Variants in SLC8A1 observed in about 807,000 individuals in gnomAD.
SLC8A1 encodes solute carrier family 8 member A1.
SLC8A1 carries 18 observed loss-of-function variants against 68.3 expected under a neutral mutation model. That is an observed-to-expected ratio of 0.26 (90% CI 0.18 to 0.39). The LOEUF (loss-of-function observed/expected upper bound fraction) is 0.39. Among genes scored for constraint, SLC8A1 ranks in the 10% least tolerant of loss-of-function variants. The pLI, the probability that SLC8A1 is intolerant of heterozygous loss-of-function variation, is 1.00. For missense variants in SLC8A1, 985 were observed against 1,156.7 expected, an observed-to-expected ratio of 0.85 and a Z score of 2.15; for synonymous variants, 475 against 415.5, an observed-to-expected ratio of 1.14 and a Z score of -1.74.
intron 1 of SLC8A1, among the ~76,000 whole-genome samples, chr2:40,438,971 G>C (rs1030453689): frequency 3.9e-5 from 6 of 152,094 alleles, no homozygotes; most frequent in Admixed American, 3.9e-4. Context: ...TCAGAAAACA[G>C]TGTTTGTTCT....
chr2:40,397,576 C>T (rs367889921), intron 2 of SLC8A1, among the ~76,000 whole-genome samples: 3 of 152,324 alleles, frequency 2.0e-5, no homozygotes, highest in East Asian at 3.9e-4. Context: ...TATCCACATA[C>T]ATTTGCCGAG....
At chr2:40,356,721 G>A (rs570335314) in intron 2 of SLC8A1, among the ~76,000 whole-genome samples, 17 of 152,230 alleles carry the variant, frequency 1.1e-4, no homozygotes, top group African/African-American at 3.9e-4. Flanking sequence ...ACACAGCTAA[G>A]GGAGACAAGC....
chr2:40,219,352 A>T (rs1405566977), intron 2 of SLC8A1, among the ~76,000 whole-genome samples: 1 of 152,228 alleles, frequency 6.6e-6, no homozygotes, highest in Non-Finnish European at 1.5e-5. Context: ...CCTCATCCCT[A>T]CTGTCAGCAC....
At chr2:40,386,595 C>T (rs1448098603) in intron 2 of SLC8A1, among the ~76,000 whole-genome samples, 3 of 144,090 alleles carry the variant, frequency 2.1e-5, no homozygotes, top group Admixed American at 7.0e-5. Flanking sequence ...GGTATTGGGT[C>T]TAATTACTTG....
At chr2:40,123,881 C>T (rs1375432333) in intron 7 of SLC8A1, among the ~76,000 whole-genome samples, 1 of 152,206 alleles carries the variant, frequency 6.6e-6, no homozygotes, top group African/African-American at 2.4e-5. Context: ...TAACTTCCTG[C>T]TTAAACACAA....
intron 2 of SLC8A1, among the ~76,000 whole-genome samples, chr2:40,207,692 C>T (rs1420368110): frequency 6.6e-6 from 1 of 151,974 alleles, no homozygotes. Flanking sequence ...GATTCTGGCT[C>T]CAAGTTTCTA....
chr2:40,284,371 TTATG>T (rs1159620124), intron 2 of SLC8A1, among the ~76,000 whole-genome samples: 1 of 147,282 alleles, frequency 6.8e-6, no homozygotes, highest in Non-Finnish European at 1.5e-5. Flanking sequence ...ATACATATAT[TTATG>T]TATGATATAT....
chr2:40,473,129 G>A (rs1034551838), intron 1 of SLC8A1, among the ~76,000 whole-genome samples: 3 of 152,030 alleles, frequency 2.0e-5, no homozygotes, highest in Non-Finnish European at 4.4e-5. Context: ...TCCCTGGCTG[G>A]GGTATGTCCA....
intron 4 of SLC8A1, among the ~76,000 whole-genome samples, chr2:40,171,469 AT>A (rs2047481106): frequency 6.6e-6 from 1 of 152,190 alleles, no homozygotes; most frequent in African/African-American, 2.4e-5. Context: ...TAAATTATTC[AT>A]GTTTATATGG....
At chr2:40,506,467 T>C (rs898510145) in intron 1 of SLC8A1, among the ~76,000 whole-genome samples, 4 of 152,000 alleles carry the variant, frequency 2.6e-5, no homozygotes, top group Admixed American at 6.6e-5. Flanking sequence ...ATAAATGTTA[T>C]GTAAATTTAG....
chr2:40,249,315 C>T (rs1252994072), intron 2 of SLC8A1, among the ~76,000 whole-genome samples: 1 of 151,764 alleles, frequency 6.6e-6, no homozygotes, highest in Admixed American at 6.6e-5. Context: ...CTTTCAAAAC[C>T]TTTTGAAATA....
intron 2 of SLC8A1, among the ~76,000 whole-genome samples, chr2:40,304,087 C>A (rs1007156491): frequency 4.6e-5 from 7 of 152,136 alleles, no homozygotes; most frequent in Non-Finnish European, 1.0e-4. Flanking sequence ...AACAGATGCA[C>A]AATATTTGAG....
intron 2 of SLC8A1, among the ~76,000 whole-genome samples, chr2:40,325,741 G>T (rs1009762712): frequency 1.5e-5 from 2 of 134,950 alleles, no homozygotes; most frequent in Non-Finnish European, 3.0e-5. Context: ...AGACCATGCC[G>T]GCTAACATGG....
chr2:40,489,487 A>T (rs1339718847), intron 1 of SLC8A1, among the ~76,000 whole-genome samples: 1 of 152,076 alleles, frequency 6.6e-6, no homozygotes, highest in African/African-American at 2.4e-5. Context: ...ACCCACCGAA[A>T]AGTCTGTTCT....
At chr2:40,308,234 A>G (rs1031429838) in intron 2 of SLC8A1, among the ~76,000 whole-genome samples, 3 of 152,134 alleles carry the variant, frequency 2.0e-5, no homozygotes, top group Non-Finnish European at 4.4e-5. Flanking sequence ...CTTTCCTATT[A>G]TGAATAAAAA....
intron 1 of SLC8A1, among the ~76,000 whole-genome samples, chr2:40,499,488 G>T (rs1245551308): frequency 1.3e-5 from 2 of 152,092 alleles, no homozygotes; most frequent in Non-Finnish European, 2.9e-5. Flanking sequence ...AAGGTGAGTT[G>T]TTCCCCAAGG....
chr2:40,151,956 A>AT (rs762621608), intron 6 of SLC8A1, among the ~76,000 whole-genome samples: 104 of 152,312 alleles, frequency 6.8e-4, no homozygotes, highest in Non-Finnish European at 1.0e-4. Context: ...GAACTTTAAG[A>AT]TTTACTTTGT....
chr2:40,399,797 A>G (rs1688125250), intron 2 of SLC8A1, among the ~76,000 whole-genome samples: 1 of 152,148 alleles, frequency 6.6e-6, no homozygotes, highest in Non-Finnish European at 1.5e-5. Context: ...TCCTTAGCCA[A>G]TTAACTAAGG....
At chr2:40,361,657 G>A (rs1378426931) in intron 2 of SLC8A1, among the ~76,000 whole-genome samples, 4 of 152,050 alleles carry the variant, frequency 2.6e-5, no homozygotes, top group Non-Finnish European at 5.9e-5. Flanking sequence ...AGAGCAGCAC[G>A]ATGCTTCTCT....
Sources: gnomAD v4.1 joint callset for allele counts (sites outside exome capture counted in the v4.1 genomes callset) on GRCh38, gnomAD v4.1.1 for gene constraint, MANE v1.5 for transcripts, NCBI Gene and HGNC (gene_info 2026-07-23, HGNC 2026-07-21) for gene names.